Variants in SFMBT1 observed in about 807,000 individuals in gnomAD.
SFMBT1 encodes the protein scm-like with four MBT domains protein 1.
In SFMBT1, 32 loss-of-function variants were observed where a neutral mutation model predicts 108.7. The ratio of observed to expected loss-of-function variants is 0.29; its 90% CI spans 0.22 to 0.40. The LOEUF is 0.40. Among genes scored for constraint, SFMBT1 ranks in the 10% least tolerant of loss-of-function variants. The pLI, the probability that SFMBT1 is intolerant of heterozygous loss-of-function variation, is 1.00. For missense variants in SFMBT1, 816 were observed against 1,059.6 expected (o/e 0.77, Z 3.19); for synonymous variants, 348 against 369.5 (o/e 0.94, Z 0.67).
intron 1 of SFMBT1, among the ~76,000 whole-genome samples, chr3:52,991,722 A>T (rs1383969595): frequency 6.6e-6 from 1 of 152,060 alleles, no homozygotes; most frequent in East Asian, 1.9e-4. Flanking sequence ...CAATGCCATT[A>T]TAAGAAGCTT....
chr3:53,033,984 T>C (rs1699776059), intron 1 of SFMBT1, among the ~76,000 whole-genome samples: 1 of 145,806 alleles, frequency 6.9e-6, no homozygotes. Flanking sequence ...GCAGGAGAAC[T>C]GCTTGAACCC....
intron 2 of SFMBT1, among the ~76,000 whole-genome samples, chr3:52,965,833 C>T (rs1465111000): frequency 2.0e-5 from 3 of 150,264 alleles, no homozygotes; most frequent in African/African-American, 4.9e-5. Context: ...GGTGAAACCC[C>T]GTCTCTACCA....
chr3:52,914,766 C>T (rs371973083), intron 14 of SFMBT1, among the ~76,000 whole-genome samples: 12 of 151,986 alleles, frequency 7.9e-5, no homozygotes, highest in African/African-American at 2.9e-4. Context: ...AACAAAAAAA[C>T]GATGGTCTAT....
chr3:53,023,809 T>A (rs985223517), intron 1 of SFMBT1, among the ~76,000 whole-genome samples: 2 of 152,214 alleles, frequency 1.3e-5, no homozygotes, highest in Admixed American at 1.3e-4. Context: ...TAGAATTACA[T>A]CCCTCTTGAA....
At chr3:53,017,417 T>C (rs1208454688) in intron 1 of SFMBT1, among the ~76,000 whole-genome samples, 1 of 152,236 alleles carries the variant, frequency 6.6e-6, no homozygotes, top group Non-Finnish European at 1.5e-5. Context: ...GAATTCCTAC[T>C]ACCTGCTAGG....
chr3:52,945,396 C>G (rs1010828598), intron 3 of SFMBT1, among the ~76,000 whole-genome samples: 1 of 151,242 alleles, frequency 6.6e-6, no homozygotes, highest in African/African-American at 2.4e-5. Flanking sequence ...CATGAGTCCA[C>G]ACTGATATAA....
At position 52,934,703 on chromosome 3, in the gene SFMBT1, C is replaced by T. The variant is rs558677288; in HGVS notation, c.453+110G>A. ...CTTCCCAATACCTATGCCTATGTCT[C>T]TAATAATAACGTTTATTTTCTTCAG... On this transcript the variant is annotated intron_variant, in intron 5 of 20. Transcript: ENST00000394752. 82 of 875,182 alleles carry T rather than the reference C, an allele frequency of 9.4e-5. No homozygotes were observed. In the African/African-American group the frequency reaches 1.0e-3, roughly 11 times the overall value. 54.2% of individuals were successfully genotyped at this position (875,182 alleles called of 1,614,324 possible). A position where few individuals can be genotyped will look rare whatever the true frequency, so the allele number is the denominator to read the frequency against.
intron 1 of SFMBT1, among the ~76,000 whole-genome samples, chr3:53,001,200 A>G (rs1284127330): frequency 6.7e-6 from 1 of 150,280 alleles, no homozygotes; most frequent in Non-Finnish European, 1.5e-5. Flanking sequence ...CACTACATAA[A>G]CAAGTACACA....
At chr3:52,934,924 G>C in intron 4 of SFMBT1, 23 bp from the exon 5 acceptor site, 1 of 1,593,728 alleles carries the variant, frequency 6.3e-7, no homozygotes, top group Non-Finnish European at 8.6e-7. Flanking sequence ...ATAAATGACT[G>C]ATTACTCAAA....
chr3:52,913,427 G>C, intron 15 of SFMBT1, 51 bp downstream of exon 15: 1 of 1,592,728 alleles, frequency 6.3e-7, no homozygotes, highest in African/African-American at 1.3e-5. Context: ...AATGACCATA[G>C]GAGAATGCTG....
At chr3:52,915,355 C>CAA (rs1702320315) in intron 14 of SFMBT1, among the ~76,000 whole-genome samples, 1 of 152,166 alleles carries the variant, frequency 6.6e-6, no homozygotes, top group Admixed American at 6.5e-5. Flanking sequence ...AGGAAAGCAT[C>CAA]AAAAGCAAGG....
At chr3:52,970,017 G>A (rs1407617176) in intron 1 of SFMBT1, among the ~76,000 whole-genome samples, 1 of 151,884 alleles carries the variant, frequency 6.6e-6, no homozygotes, top group African/African-American at 2.4e-5. Flanking sequence ...GTGGGAGGAT[G>A]GCTTGAGTCT....
At chr3:52,991,386 A>T (rs999839457) in intron 1 of SFMBT1, among the ~76,000 whole-genome samples, 10 of 89,424 alleles carry the variant, frequency 1.1e-4, no homozygotes, top group African/African-American at 3.7e-4. Flanking sequence ...CTCTTATTGC[A>T]TAGGCTGCAG....
chr3:53,013,685 A>G (rs970554663), intron 1 of SFMBT1, among the ~76,000 whole-genome samples: 13 of 115,474 alleles, frequency 1.1e-4, no homozygotes, highest in Non-Finnish European at 1.6e-4. Flanking sequence ...CCGGAGTGCA[A>G]TGGCGCAATC....
At chr3:52,935,128 T>A (rs1223132983) in intron 4 of SFMBT1, among the ~76,000 whole-genome samples, 5 of 152,200 alleles carry the variant, frequency 3.3e-5, no homozygotes, top group African/African-American at 1.2e-4. Context: ...ACAAAGAGAA[T>A]AGTCCCAACT....
intron 1 of SFMBT1, among the ~76,000 whole-genome samples, chr3:52,980,435 T>C (rs1425464918): frequency 1.3e-5 from 2 of 152,158 alleles, no homozygotes; most frequent in Non-Finnish European, 2.9e-5. Flanking sequence ...CCATGGTTCT[T>C]ACACATTTTT....
intron 3 of SFMBT1, among the ~76,000 whole-genome samples, chr3:52,949,681 C>T (rs1233327210): frequency 1.4e-5 from 2 of 146,018 alleles, no homozygotes; most frequent in Non-Finnish European, 3.0e-5. Context: ...TAGATTCAAG[C>T]GATTCTCCTG....
chr3:52,945,177 T>C lies in SFMBT1; in HGVS notation c.124-1584A>G, dbSNP rs914550651. Among the ~76,000 whole-genome samples, 6 of 82,546 alleles carry C rather than the reference T, an allele frequency of 7.3e-5. No individual in the cohort carries two copies. In the South Asian group the frequency reaches 1.9e-3, roughly 26 times the overall value. The allele number at this position is 82,546 out of a possible 152,430, so 54.2% of individuals were successfully genotyped here. A position where few individuals can be genotyped will look rare whatever the true frequency, so the allele number is the denominator to read the frequency against. ...CAAGGACTTCAGGGAAAAAAGCTTA[T>C]TCCGATTCTGGGATAGGAAAAATAC... On this transcript the variant is annotated intron_variant, in intron 3 of 20. Coordinates refer to ENST00000394752, the MANE Select transcript of SFMBT1 (RefSeq NM_016329.4).
chr3:52,974,676 C>G (rs6782719), intron 1 of SFMBT1, among the ~76,000 whole-genome samples: 5 of 151,902 alleles, frequency 3.3e-5, no homozygotes, highest in Non-Finnish European at 5.9e-5. Flanking sequence ...CGAGAAAAAT[C>G]TTAGCCACTC....
Sources: gnomAD v4.1 joint callset for allele counts (sites outside exome capture counted in the v4.1 genomes callset) on GRCh38, gnomAD v4.1.1 for gene constraint, MANE v1.5 for transcripts, NCBI Gene and HGNC (gene_info 2026-07-23, HGNC 2026-07-21) for gene names.